SV2C: variants seen among roughly 807,000 people sequenced by gnomAD.
The protein encoded by SV2C is solute carrier family 22 member B3.
Under a neutral mutation model 79.7 loss-of-function variants are expected in SV2C, and 49 were observed. The ratio of observed to expected loss-of-function variants is 0.61; its 90% confidence interval spans 0.49 to 0.78. The LOEUF (loss-of-function observed/expected upper bound fraction) is 0.78. Among genes scored for constraint, SV2C ranks in the 30% least tolerant of loss-of-function variants. The pLI is 0.00. For missense variants in SV2C, 833 were observed against 912.9 expected (o/e 0.91, Z 1.13); for synonymous variants, 334 against 333.2 (o/e 1.00, Z -0.03).
chr5:76,024,878 C>T, the SV2C span, among the ~76,000 whole-genome samples: 425 of 152,266 alleles, frequency 2.8e-3, 13 homozygotes, highest in East Asian at 0.06. Context: ...AGTGGGCCCA[C>T]ATAGTTCAAA....
chr5:76,017,799 T>C, the SV2C span, among the ~76,000 whole-genome samples: 1 of 152,178 alleles, frequency 6.6e-6, no homozygotes, highest in Non-Finnish European at 1.5e-5. Context: ...TGTTTCTGTG[T>C]CTGATTGAGG....
At chr5:75,942,877 A>T in the SV2C span, among the ~76,000 whole-genome samples, 22 of 152,136 alleles carry the variant, frequency 1.4e-4, no homozygotes, top group African/African-American at 5.3e-4. Flanking sequence ...AAGAAACCTC[A>T]TTTGGAGCCA....
At chr5:76,112,778 G>T (rs1403996053) in intron 1 of SV2C, among the ~76,000 whole-genome samples, 1 of 152,174 alleles carries the variant, frequency 6.6e-6, no homozygotes, top group Non-Finnish European at 1.5e-5. Flanking sequence ...TTCCCATAAT[G>T]AATTTTGGAA....
chr5:76,036,067 C>G, the SV2C span, among the ~76,000 whole-genome samples: 14 of 151,794 alleles, frequency 9.2e-5, no homozygotes, highest in Non-Finnish European at 1.9e-4. Flanking sequence ...GGATTGCAAC[C>G]CCTGCCTTTT....
chr5:76,045,944 CAAAT>C, the SV2C span, among the ~76,000 whole-genome samples: 10 of 152,104 alleles, frequency 6.6e-5, no homozygotes, highest in African/African-American at 2.2e-4. Flanking sequence ...ATTCACTCTC[CAAAT>C]ACTTTTAGAG....
At chr5:75,949,529 A>C in the SV2C span, among the ~76,000 whole-genome samples, 1 of 151,928 alleles carries the variant, frequency 6.6e-6, no homozygotes, top group Non-Finnish European at 1.5e-5. Flanking sequence ...TATTTTCCAC[A>C]TGTTGTGGGA....
chr5:76,066,275 A>G, the SV2C span, among the ~76,000 whole-genome samples: 1 of 152,090 alleles, frequency 6.6e-6, no homozygotes, highest in Non-Finnish European at 1.5e-5. Flanking sequence ...GCCATAAAAA[A>G]GGATGAGCTT....
the SV2C span, among the ~76,000 whole-genome samples, chr5:75,957,964 G>A: frequency 6.6e-6 from 1 of 151,990 alleles, no homozygotes; most frequent in African/African-American, 2.4e-5. Flanking sequence ...CTATTTGTCA[G>A]ATAACTTGGA....
the SV2C span, among the ~76,000 whole-genome samples, chr5:76,014,542 T>C: frequency 1.9e-3 from 296 of 152,338 alleles, 2 homozygotes; most frequent in African/African-American, 5.2e-3. Flanking sequence ...CAACTTTGAA[T>C]GTTCCATCTT....
chr5:76,146,706 A>G (rs1052521742), intron 2 of SV2C, among the ~76,000 whole-genome samples: 11 of 151,084 alleles, frequency 7.3e-5, no homozygotes, highest in African/African-American at 2.7e-4. Flanking sequence ...CTCCTATTCA[A>G]GACCGAGTTG....
rs145378807 is a variant in SV2C at position 76,186,186 on chromosome 5, A to C, written c.581-8733A>C. Among the ~76,000 whole-genome samples the C allele has an allele frequency of 5.6e-4, 86 of 152,268 alleles. 1 individual carries two copies. In the East Asian group the frequency reaches 0.015, roughly 26 times the overall value. ...AGCATTTTGGTCAAAGCCATTCAAC[A>C]AGTCTCTAAGAAGTCCCAAACCTTC... On this transcript the variant is annotated intron_variant, in intron 2 of 12. Coordinates refer to ENST00000502798, the MANE Select transcript of SV2C (RefSeq NM_014979.4).
chr5:76,302,710 G>C (rs1446113964), intron 12 of SV2C, among the ~76,000 whole-genome samples: 1 of 151,830 alleles, frequency 6.6e-6, no homozygotes, highest in Non-Finnish European at 1.5e-5. Flanking sequence ...TAGGGCTTTT[G>C]GGTATAGCTT....
chr5:75,952,054 C>G, the SV2C span, among the ~76,000 whole-genome samples: 14 of 151,800 alleles, frequency 9.2e-5, no homozygotes, highest in African/African-American at 3.1e-4. Context: ...GCCCAAAGAA[C>G]TTATGAGTCT....
chr5:75,888,905 T>C, the SV2C span, among the ~76,000 whole-genome samples: 3 of 151,934 alleles, frequency 2.0e-5, no homozygotes, highest in Admixed American at 6.6e-5. Context: ...AGAAATTTCT[T>C]TCCTCACAAT....
the SV2C span, among the ~76,000 whole-genome samples, chr5:75,904,589 G>T: frequency 6.6e-6 from 1 of 152,182 alleles, no homozygotes; most frequent in Non-Finnish European, 1.5e-5. Context: ...GTAAAATGGA[G>T]CCCTGAATCC....
intron 2 of SV2C, among the ~76,000 whole-genome samples, chr5:76,175,393 A>G (rs2112287553): frequency 6.6e-6 from 1 of 152,260 alleles, no homozygotes; most frequent in South Asian, 2.1e-4. Context: ...TTAAAAAGGG[A>G]ATTTGTCCTT....
intron 4 of SV2C, among the ~76,000 whole-genome samples, chr5:76,277,390 C>T (rs1747054466): frequency 6.6e-6 from 1 of 152,186 alleles, no homozygotes; most frequent in Non-Finnish European, 1.5e-5. Context: ...GATATATTTA[C>T]ACAACGGAAT....
In SV2C at chr5:76,329,956, A is replaced by C. The variant is rs1650703151; in HGVS notation, c.*4409A>C. The C allele has an allele frequency of 6.6e-6, 1 of 152,180 alleles. No homozygotes were observed. The highest frequency in any genetic ancestry group is 6.5e-5 in the Admixed American group (1 of 15,272). The allele number at this position is 152,180 out of a possible 1,614,324, so 9.4% of individuals were successfully genotyped here. A position where few individuals can be genotyped will look rare whatever the true frequency, so the allele number is the denominator to read the frequency against. Reference sequence around the variant, plus strand: ...CTAAGCCTAAAAACACCAGTATTGCAACAACTTCTGAAACTCTGAAGTGGA... The same window carrying C: ...CTAAGCCTAAAAACACCAGTATTGCCACAACTTCTGAAACTCTGAAGTGGA... On this transcript the variant is annotated 3_prime_UTR_variant, in exon 13 of 13. Coordinates refer to ENST00000502798, the MANE Select transcript of SV2C (RefSeq NM_014979.4).
At chr5:75,880,505 C>G in the SV2C span, among the ~76,000 whole-genome samples, 1 of 152,254 alleles carries the variant, frequency 6.6e-6, no homozygotes, top group Admixed American at 6.5e-5. Flanking sequence ...TTTCAAGATC[C>G]CTAAAACATG....
Sources: allele counts gnomAD v4.1 joint callset (sites outside exome capture counted in the v4.1 genomes callset), GRCh38; gene constraint gnomAD v4.1.1; transcripts MANE v1.5; gene names NCBI Gene and HGNC (gene_info 2026-07-23, HGNC 2026-07-21).